Variants in FER1L6 observed in about 807,000 individuals in gnomAD.
The protein encoded by FER1L6 is fer-1 like family member 6, also known as fer-1-like protein 6.
A neutral mutation model predicts 219.2 loss-of-function variants in FER1L6; 177 were observed. That is an observed-to-expected ratio of 0.81 (90% CI 0.71 to 0.91). The LOEUF (loss-of-function observed/expected upper bound fraction) is 0.91. FER1L6 is among the 40% of genes least tolerant of loss of function. The pLI, the probability that FER1L6 is intolerant of heterozygous loss-of-function variation, is 0.00. For missense variants in FER1L6, 2,153 were observed against 2,259.9 expected, an observed-to-expected ratio of 0.95 and a Z score of 0.96; for synonymous variants, 768 against 824.3, an observed-to-expected ratio of 0.93 and a Z score of 1.17.
chr8:124,090,724 A>G (rs1821994110), intron 33 of FER1L6, among the ~76,000 whole-genome samples: 1 of 152,208 alleles, frequency 6.6e-6, no homozygotes, highest in Non-Finnish European at 1.5e-5. Flanking sequence ...AATTTTAACC[A>G]AACAGCTAGT....
chr8:124,118,518 C>T (rs1823341714), intron 39 of FER1L6, among the ~76,000 whole-genome samples: 1 of 152,138 alleles, frequency 6.6e-6, no homozygotes, highest in African/African-American at 2.4e-5. Flanking sequence ...GTAATCAGTC[C>T]CCTTTCTAAT....
chr8:124,093,925 CTT>C, intron 34 of FER1L6, among the ~76,000 whole-genome samples: 1 of 151,908 alleles, frequency 6.6e-6, no homozygotes, highest in South Asian at 2.1e-4. Flanking sequence ...ACTGTGGCCC[CTT>C]TTTTTTAAAG....
Position 124,061,486 on chromosome 8 carries a change from T to A in FER1L6, c.3148-366T>A, listed in dbSNP as rs886721481. Among the ~76,000 whole-genome samples the A allele has an allele frequency of 2.0e-5, 3 of 152,214 alleles. 1 individual carries two copies. The South Asian group carries it at 6.2e-4, about 32-fold the overall frequency. On this transcript the variant is annotated intron_variant, in intron 24 of 40. Transcript: ENST00000522917. ...CTGTCCCTTCACTCTCAGCTCTGTA[T>A]TAAATGGCTCGACTTTCATCTCTTT... is the stretch of plus-strand genomic sequence containing the variant.
chr8:124,107,216 G>A (rs971035081), intron 39 of FER1L6, among the ~76,000 whole-genome samples: 2 of 152,040 alleles, frequency 1.3e-5, no homozygotes, highest in African/African-American at 4.8e-5. Flanking sequence ...TCAAAGTGCT[G>A]GGATTACAGG....
intron 12 of FER1L6, among the ~76,000 whole-genome samples, chr8:123,988,857 T>C (rs1563727715): frequency 6.6e-6 from 1 of 152,194 alleles, no homozygotes; most frequent in Non-Finnish European, 1.5e-5. Context: ...ACTCCCAGTA[T>C]TATGTTCAGT....
intron 1 of FER1L6, among the ~76,000 whole-genome samples, chr8:123,864,678 T>G (rs1215590545): frequency 6.7e-6 from 1 of 148,942 alleles, no homozygotes; most frequent in Non-Finnish European, 1.5e-5. Flanking sequence ...CTTTGCTCAT[T>G]TCTTTTTATT....
At chr8:123,893,824 T>C (rs547190767) in intron 1 of FER1L6, among the ~76,000 whole-genome samples, 2 of 152,314 alleles carry the variant, frequency 1.3e-5, no homozygotes, top group African/African-American at 4.8e-5. Context: ...GCAGGTGGGT[T>C]CATCTTGCTG....
chr8:123,867,729 C>T lies in FER1L6; in HGVS notation c.-8+15544C>T, dbSNP rs149255791. 2.6e-3 allele frequency among the ~76,000 whole-genome samples: 394 copies of T among 152,246 alleles called. 2 individuals are homozygous for T. The highest frequency in any genetic ancestry group is 2.5e-3 in the Non-Finnish European group (171 of 68,018). On this transcript the variant is annotated intron_variant, in intron 1 of 40. Transcript: ENST00000522917. ...GATGTTATTGCCCTTAATATTTGCA[C>T]GTAGCTGTTTTCATGAAGATGGATG... is the stretch of plus-strand genomic sequence containing the variant.
intron 16 of FER1L6, 35 bp downstream of exon 16, chr8:124,017,753 G>A (rs763467153): frequency 6.4e-7 from 1 of 1,566,046 alleles, no homozygotes; most frequent in Admixed American, 1.7e-5. Flanking sequence ...TGTGGACAGA[G>A]TTAAAAATAA....
At chr8:123,921,403 C>T (rs963767679) in intron 1 of FER1L6, among the ~76,000 whole-genome samples, 7 of 152,234 alleles carry the variant, frequency 4.6e-5, no homozygotes, top group South Asian at 2.1e-4. Context: ...TTTACTCTGT[C>T]GTCTAGGCTG....
At chr8:124,084,234 T>C (rs993881055) in intron 33 of FER1L6, among the ~76,000 whole-genome samples, 4 of 152,004 alleles carry the variant, frequency 2.6e-5, no homozygotes, top group Admixed American at 2.0e-4. Flanking sequence ...TTCTTTCCAA[T>C]TTGGATGCCC....
chr8:123,891,001 A>G (rs1022856101), intron 1 of FER1L6, among the ~76,000 whole-genome samples: 20 of 151,010 alleles, frequency 1.3e-4, no homozygotes, highest in Admixed American at 7.9e-4. Context: ...GGAAAGATTC[A>G]CCTTGCCCTT....
chr8:123,879,016 T>G (rs1383234402), intron 1 of FER1L6, among the ~76,000 whole-genome samples: 1 of 152,164 alleles, frequency 6.6e-6, no homozygotes, highest in African/African-American at 2.4e-5. Flanking sequence ...AATTAAACTT[T>G]CCCTTTGATG....
chr8:123,990,251 G>A (rs985013980), intron 12 of FER1L6, among the ~76,000 whole-genome samples: 1 of 152,170 alleles, frequency 6.6e-6, no homozygotes, highest in African/African-American at 2.4e-5. Context: ...CTGGGTGGCA[G>A]AGGAGACTCT....
intron 1 of FER1L6, among the ~76,000 whole-genome samples, chr8:123,944,201 T>C (rs2130015038): frequency 6.6e-6 from 1 of 151,998 alleles, no homozygotes; most frequent in Non-Finnish European, 1.5e-5. Flanking sequence ...GTAGCTATGA[T>C]GACTGTCCCA....
intron 35 of FER1L6, among the ~76,000 whole-genome samples, chr8:124,095,917 A>G (rs1434493885): frequency 6.6e-6 from 1 of 152,226 alleles, no homozygotes; most frequent in East Asian, 1.9e-4. Flanking sequence ...GTAGTAGTAG[A>G]GATGGAATTT....
intron 1 of FER1L6, among the ~76,000 whole-genome samples, chr8:123,879,396 G>A (rs557659790): frequency 2.0e-5 from 3 of 151,912 alleles, no homozygotes; most frequent in Non-Finnish European, 4.4e-5. Context: ...GTGCGATCTC[G>A]GCTCACTGCA....
rs540398915 is a variant in FER1L6 at position 124,082,420 on chromosome 8, A to G, written c.4353A>G (p.Lys1451=). 1.6e-4 allele frequency: 260 copies of G among 1,613,994 alleles called. 4 individuals carry two copies. In the Admixed American group the frequency reaches 4.3e-3, roughly 26 times the overall value. The part of the protein sequence containing the change: ...KIDLENRFYS[K]HRAICGLQSQ... ...ACCTGGAGAACCGCTTCTACAGCAA[A>G]CACCGAGCCATCTGTGGCTTGCAGA... The change falls in exon 33 of 41, where the codon AAA becomes AAG. Residue 1451 remains lysine, a synonymous_variant. Coordinates refer to ENST00000522917, the MANE Select transcript of FER1L6 (RefSeq NM_001039112.2).
chr8:124,035,515 A>G, intron 19 of FER1L6, 61 bp downstream of exon 19: 1 of 1,520,950 alleles, frequency 6.6e-7, no homozygotes, highest in Non-Finnish European at 8.9e-7. Flanking sequence ...CTGAAAAGAT[A>G]ATAAGGAGGG....
Sources: allele counts gnomAD v4.1 joint callset (sites outside exome capture counted in the v4.1 genomes callset), GRCh38; gene constraint gnomAD v4.1.1; transcripts MANE v1.5; gene names NCBI Gene and HGNC (gene_info 2026-07-23, HGNC 2026-07-21).